Variants in OR3A2 observed in about 807,000 individuals in gnomAD.
The protein encoded by OR3A2 is olfactory receptor 3A2.
For missense variants in OR3A2, 318 were observed against 392.8 expected, an observed-to-expected ratio of 0.81 and a Z score of 1.61; for synonymous variants, 126 against 159.3, an observed-to-expected ratio of 0.79 and a Z score of 1.57.
At chr17:3,385,617 C>G (rs1234640514) in intron 1 of OR3A2, among the ~76,000 whole-genome samples, 1 of 152,096 alleles carries the variant, frequency 6.6e-6, no homozygotes, top group Non-Finnish European at 1.5e-5. Context: ...GAAGAAGAAA[C>G]TGAGGCTCAG....
At chr17:3,367,134 AG>A (rs2049570986) in intron 2 of OR3A2, among the ~76,000 whole-genome samples, 2 of 152,234 alleles carry the variant, frequency 1.3e-5, no homozygotes, top group Middle Eastern at 3.2e-3. Flanking sequence ...ATGACCTATC[AG>A]GGCCACACCT....
chr17:3,277,597 G>A (rs114611864), exon 2 of OR3A2: 3,513 of 179,248 alleles, frequency 0.02, 131 homozygotes, highest in African/African-American at 0.078. Flanking sequence ...ACTTGCACAG[G>A]GCTTGCTTGG....
intron 3 of OR3A2, among the ~76,000 whole-genome samples, chr17:3,321,281 T>G (rs1047382582): frequency 6.6e-6 from 1 of 152,088 alleles, no homozygotes; most frequent in East Asian, 1.9e-4. Context: ...GATTTTGGGC[T>G]GAGACAATGG....
intron 3 of OR3A2, among the ~76,000 whole-genome samples, chr17:3,327,416 T>A (rs1358262823): frequency 9.2e-6 from 1 of 108,538 alleles, no homozygotes; most frequent in African/African-American, 4.2e-5. Context: ...TGTTTTTTTC[T>A]TGTAAATTAG....
intron 2 of OR3A2, among the ~76,000 whole-genome samples, chr17:3,349,725 A>T (rs1363812162): frequency 4.6e-5 from 7 of 151,106 alleles, no homozygotes; most frequent in Non-Finnish European, 7.4e-5. Flanking sequence ...TCAACAGAAT[A>T]TACATTTTTT....
At chr17:3,305,354 G>C (rs1031533805) in intron 3 of OR3A2, among the ~76,000 whole-genome samples, 3 of 152,132 alleles carry the variant, frequency 2.0e-5, no homozygotes, top group East Asian at 1.9e-4. Context: ...ATATAGGCAA[G>C]GAATATGAAG....
At chr17:3,314,645 A>C (rs1419257640) in intron 3 of OR3A2, among the ~76,000 whole-genome samples, 3 of 152,164 alleles carry the variant, frequency 2.0e-5, no homozygotes, top group Non-Finnish European at 4.4e-5. Flanking sequence ...GTATTATTCA[A>C]AGTTTTTCAC....
chr17:3,335,273 T>C (rs1439150271), intron 3 of OR3A2, among the ~76,000 whole-genome samples: 2 of 152,314 alleles, frequency 1.3e-5, no homozygotes, highest in East Asian at 3.9e-4. Flanking sequence ...TTTAACTTGG[T>C]TAACTTTTCC....
chr17:3,385,175 CAA>C (rs2049767606), intron 1 of OR3A2, among the ~76,000 whole-genome samples: 1 of 152,126 alleles, frequency 6.6e-6, no homozygotes, highest in Non-Finnish European at 1.5e-5. Flanking sequence ...GCCTGGGCAA[CAA>C]GAGTGAAACT....
At chr17:3,371,337 T>C (rs1298772490) in intron 2 of OR3A2, among the ~76,000 whole-genome samples, 2 of 146,962 alleles carry the variant, frequency 1.4e-5, no homozygotes, top group Non-Finnish European at 3.0e-5. Flanking sequence ...GAAGTGCCCC[T>C]CATCTCCCGG....
At chr17:3,334,258 G>A (rs918047179) in intron 3 of OR3A2, among the ~76,000 whole-genome samples, 4 of 152,124 alleles carry the variant, frequency 2.6e-5, no homozygotes, top group Non-Finnish European at 4.4e-5. Context: ...GTACAATTCA[G>A]TGGTAACATT....
chr17:3,338,538 C>T (rs1028456070), intron 2 of OR3A2, among the ~76,000 whole-genome samples: 2 of 152,150 alleles, frequency 1.3e-5, no homozygotes, highest in Admixed American at 6.5e-5. Flanking sequence ...AATCCTTTCC[C>T]CATTTCCTGT....
In OR3A2 at chr17:3,311,364, C is replaced by T. The variant is rs1597333159; in HGVS notation, c.-85+24669G>A. 2 of 527,444 alleles carry T rather than the reference C, an allele frequency of 3.8e-6. No individual in the cohort carries two copies. The highest frequency in any genetic ancestry group is 1.4e-5 in the South Asian group (1 of 71,300). 32.7% of individuals were successfully genotyped at this position (527,444 alleles called of 1,614,324 possible). On this transcript the variant is annotated intron_variant, in intron 3 of 4. Transcript: ENST00000573491. This position sits in a 1 kb window ranked among gnomAD's most constrained non-coding sequence, Gnocchi z 4.6. Reference sequence around the variant, plus strand: ...TAATAGCCATGGCCTATGACCGCTACCTGGCTATCTGTCAGCTTCTCACCA... The same window carrying T: ...TAATAGCCATGGCCTATGACCGCTATCTGGCTATCTGTCAGCTTCTCACCA...
intron 1 of OR3A2, among the ~76,000 whole-genome samples, chr17:3,384,465 TCC>T (rs1483976669): frequency 1.3e-5 from 2 of 152,134 alleles, no homozygotes; most frequent in Non-Finnish European, 2.9e-5. Context: ...TGCAATGCCC[TCC>T]CTGTCCCACA....
At chr17:3,319,597 C>G (rs1235920909) in intron 3 of OR3A2, among the ~76,000 whole-genome samples, 1 of 152,066 alleles carries the variant, frequency 6.6e-6, no homozygotes, top group African/African-American at 2.4e-5. Flanking sequence ...CACTGTTGAA[C>G]TCCCACTTAT....
rs1364436958 is a variant in OR3A2, at chr17:3,376,156, T to C, written c.-179+7648A>G. Among the ~76,000 whole-genome samples the C allele has an allele frequency of 2.6e-5, 4 of 152,240 alleles. No individual in the cohort carries two copies. The East Asian group carries it at 7.7e-4, about 29-fold the overall frequency. ...GGGTGTTGCAAACAGTGGAATGAGA[T>C]ATTGTTTTCTCCTTCTTTGGAGCAG... On this transcript the variant is annotated intron_variant, in intron 2 of 4. Coordinates refer to the OR3A2 transcript ENST00000573491.
intron 2 of OR3A2, among the ~76,000 whole-genome samples, chr17:3,369,773 T>C (rs2049596328): frequency 6.6e-6 from 1 of 151,794 alleles, no homozygotes; most frequent in South Asian, 2.1e-4. Context: ...ATTTCCTCTT[T>C]ATCTTTTTGA....
chr17:3,299,880 TGGTA>T (rs2048948742), intron 3 of OR3A2, among the ~76,000 whole-genome samples: 1 of 152,116 alleles, frequency 6.6e-6, no homozygotes, highest in African/African-American at 2.4e-5. Context: ...TTAAAGCACT[TGGTA>T]GGGGATCAAC....
At chr17:3,277,819 A>G (rs1031777450) in exon 2 of OR3A2, 1 of 790,914 alleles carries the variant, frequency 1.3e-6, no homozygotes, top group African/African-American at 1.7e-5. Context: ...TAAATTATGT[A>G]GGGTTTCCTA....
Sources: gnomAD v4.1 joint callset for allele counts (sites outside exome capture counted in the v4.1 genomes callset) on GRCh38, gnomAD v4.1.1 for gene constraint, Gnocchi (gnomAD v3.1) non-coding constraint, MANE v1.5 for transcripts, NCBI Gene and HGNC (gene_info 2026-07-23, HGNC 2026-07-21) for gene names.